GRIK1: variants seen among roughly 807,000 people sequenced by gnomAD.
GRIK1 encodes glutamate receptor ionotropic, kainate 1.
Under a neutral mutation model 105.7 loss-of-function variants are expected in GRIK1, and 69 were observed. The observed-to-expected ratio is 0.65, with a 90% confidence interval of 0.54 to 0.80. The LOEUF (loss-of-function observed/expected upper bound fraction) is 0.80, where lower values mean the gene tolerates loss of function less well. GRIK1 is among the 30% of genes least tolerant of loss of function. The pLI, the probability that GRIK1 is intolerant of heterozygous loss-of-function variation, is 0.00. For synonymous variants in GRIK1, 438 were observed against 431.3 expected, an observed-to-expected ratio of 1.02 and a Z score of -0.19; for missense variants, 1,109 against 1,167.3, an observed-to-expected ratio of 0.95 and a Z score of 0.73.
intron 7 of GRIK1, among the ~76,000 whole-genome samples, chr21:29,620,628 A>G (rs1165568570): frequency 6.6e-6 from 1 of 150,942 alleles, no homozygotes; most frequent in African/African-American, 2.4e-5. Flanking sequence ...TCTGAGGCTG[A>G]GATACCAGCA....
chr21:29,743,714 A>T (rs2052663603), intron 1 of GRIK1, among the ~76,000 whole-genome samples: 2 of 152,122 alleles, frequency 1.3e-5, no homozygotes, highest in African/African-American at 4.8e-5. Context: ...TATATATATA[A>T]AAGAAATAAT....
intron 1 of GRIK1, among the ~76,000 whole-genome samples, chr21:29,783,246 GTAT>G (rs1211955661): frequency 1.3e-5 from 2 of 151,656 alleles, no homozygotes; most frequent in Non-Finnish European, 2.9e-5. Context: ...TACAATATTT[GTAT>G]TATTGTTATT....
At chr21:29,726,780 G>T (rs1009241217) in intron 1 of GRIK1, among the ~76,000 whole-genome samples, 1 of 151,526 alleles carries the variant, frequency 6.6e-6, no homozygotes, top group Admixed American at 6.6e-5. Flanking sequence ...ATTGGTACAT[G>T]TAGACACATA....
At chr21:29,751,636 G>A (rs993735864) in intron 1 of GRIK1, among the ~76,000 whole-genome samples, 4 of 152,096 alleles carry the variant, frequency 2.6e-5, no homozygotes, top group African/African-American at 9.7e-5. Flanking sequence ...TTTCTTCCAT[G>A]CACACAGCAG....
intron 1 of GRIK1, among the ~76,000 whole-genome samples, chr21:29,825,486 G>C (rs2145940837): frequency 6.6e-6 from 1 of 152,128 alleles, no homozygotes; most frequent in East Asian, 1.9e-4. Context: ...CTGAGTATTT[G>C]TGCACTCTTT....
chr21:29,679,486 C>G (rs971322562), intron 3 of GRIK1, among the ~76,000 whole-genome samples: 1 of 152,158 alleles, frequency 6.6e-6, no homozygotes, highest in Non-Finnish European at 1.5e-5. Context: ...GTGTCTCCAG[C>G]CCAGATCCAT....
intron 13 of GRIK1, 48 bp downstream of exon 13, chr21:29,581,377 G>A: frequency 9.4e-7 from 1 of 1,067,062 alleles, no homozygotes; most frequent in South Asian, 1.3e-5. Context: ...ATGAAAGCCT[G>A]TCAGCACACT....
chr21:29,591,667 G>C (rs930700959), intron 9 of GRIK1, among the ~76,000 whole-genome samples: 2 of 152,112 alleles, frequency 1.3e-5, no homozygotes, highest in African/African-American at 2.4e-5. Context: ...GAAACCTTAG[G>C]CTGCCAAAGT....
chr21:29,860,881 A>AT (rs1479048564), intron 1 of GRIK1, among the ~76,000 whole-genome samples: 2 of 152,218 alleles, frequency 1.3e-5, no homozygotes, highest in African/African-American at 4.8e-5. Flanking sequence ...AGGAGATATG[A>AT]ATATTGAAGA....
At chr21:29,716,286 A>G (rs1056325570) in intron 1 of GRIK1, among the ~76,000 whole-genome samples, 1 of 152,190 alleles carries the variant, frequency 6.6e-6, no homozygotes, top group Admixed American at 6.5e-5. Flanking sequence ...GTACTGGCAC[A>G]GTGGGGTGCT....
chr21:29,782,176 T>A (rs182732913), intron 1 of GRIK1, among the ~76,000 whole-genome samples: 1 of 147,244 alleles, frequency 6.8e-6, no homozygotes, highest in Admixed American at 7.0e-5. Context: ...AAGCTCTGCC[T>A]CCCGGGTTCA....
intron 14 of GRIK1, among the ~76,000 whole-genome samples, chr21:29,571,238 A>T (rs1454112876): frequency 1.3e-5 from 2 of 151,966 alleles, no homozygotes; most frequent in Non-Finnish European, 2.9e-5. Flanking sequence ...GGTGCCTGTT[A>T]TCCCAGCTAC....
intron 4 of GRIK1, 46 bp from the exon 5 acceptor site, chr21:29,654,909 TAAG>T (rs1352408856): frequency 9.1e-7 from 1 of 1,102,300 alleles, no homozygotes; most frequent in East Asian, 2.3e-5. Context: ...AGAATTATAA[TAAG>T]AATGGGATAA....
At chr21:29,705,873 C>CT (rs1325677911) in intron 1 of GRIK1, among the ~76,000 whole-genome samples, 2,255 of 135,682 alleles carry the variant, frequency 0.017, 35 homozygotes, top group African/African-American at 0.043. Context: ...CTTTTCTTTT[C>CT]TTTTTTTTTT....
chr21:29,785,879 C>T (rs995215913), intron 1 of GRIK1, among the ~76,000 whole-genome samples: 1 of 152,168 alleles, frequency 6.6e-6, no homozygotes, highest in African/African-American at 2.4e-5. Context: ...AGGGGACAAG[C>T]CTATATTGCC....
chr21:29,903,041 C>T (rs2070467990), intron 1 of GRIK1, among the ~76,000 whole-genome samples: 1 of 152,076 alleles, frequency 6.6e-6, no homozygotes, highest in Non-Finnish European at 1.5e-5. Context: ...AAAAGATTTC[C>T]TATTTAATAA....
chr21:29,554,905 C>T lies in GRIK1; in HGVS notation c.2607+147G>A, dbSNP rs117997678. On this transcript the variant is annotated intron_variant, in intron 16 of 17. Transcript: ENST00000327783. The stretch of plus-strand genomic sequence containing the variant: ...GTGCCCACAGCACCTGGCAGGGATT[C>T]AATAGCTCTCTGCTCTAACTCAAAA... The T allele has an allele frequency of 2.7e-3, 1,669 of 627,954 alleles. 2 individuals are homozygous for T. The highest frequency in any genetic ancestry group is 2.8e-3 in the Non-Finnish European group (1,040 of 366,248). 38.9% of individuals were successfully genotyped at this position (627,954 alleles called of 1,614,324 possible).
At chr21:29,912,467 A>G (rs459590) in intron 1 of GRIK1, among the ~76,000 whole-genome samples, 35,465 of 151,890 alleles carry the variant, frequency 0.23, 4,943 homozygotes, top group African/African-American at 0.39. Flanking sequence ...AAGAAAGAGC[A>G]CTCCTAACCA....
intron 1 of GRIK1, among the ~76,000 whole-genome samples, chr21:29,850,275 C>G (rs1223882867): frequency 6.6e-6 from 1 of 152,094 alleles, no homozygotes; most frequent in Non-Finnish European, 1.5e-5. Context: ...TTAAATCTCA[C>G]AGATATGAAC....
Sources: gnomAD v4.1 joint callset for allele counts (sites outside exome capture counted in the v4.1 genomes callset) on GRCh38, gnomAD v4.1.1 for gene constraint, MANE v1.5 for transcripts, NCBI Gene and HGNC (gene_info 2026-07-23, HGNC 2026-07-21) for gene names.